Variants in LRRC69 observed in about 807,000 individuals in gnomAD.
LRRC69 encodes leucine-rich repeat-containing protein 69.
Under a neutral mutation model 37.8 loss-of-function variants are expected in LRRC69, and 42 were observed. The ratio of observed to expected loss-of-function variants is 1.11; its 90% CI spans 0.87 to 1.44. LRRC69 has a LOEUF of 1.44. LRRC69 is among the 40% of genes most tolerant of loss of function. The pLI is 0.00. For missense variants in LRRC69, 357 were observed against 401.9 expected (o/e 0.89, Z 0.96); for synonymous variants, 141 against 143.1 (o/e 0.99, Z 0.11).
intron 5 of LRRC69, among the ~76,000 whole-genome samples, chr8:91,156,085 A>C (rs1252103809): frequency 6.6e-6 from 1 of 150,870 alleles, no homozygotes; most frequent in Non-Finnish European, 1.5e-5. Context: ...GTGCTAGATC[A>C]TATGGTAGTT....
chr8:91,141,864 T>A (rs1808538513), intron 5 of LRRC69, among the ~76,000 whole-genome samples: 1 of 151,976 alleles, frequency 6.6e-6, no homozygotes, highest in Admixed American at 6.6e-5. Context: ...CCTTCATAAC[T>A]TTTGATGATG....
intron 5 of LRRC69, among the ~76,000 whole-genome samples, chr8:91,185,220 G>T (rs1159849701): frequency 6.6e-6 from 1 of 152,124 alleles, no homozygotes; most frequent in African/African-American, 2.4e-5. Context: ...GCCTGAAGAG[G>T]ACTCTCCCTT....
intron 1 of LRRC69, among the ~76,000 whole-genome samples, chr8:91,117,165 G>A (rs1029140555): frequency 1.3e-5 from 2 of 151,926 alleles, no homozygotes; most frequent in Non-Finnish European, 2.9e-5. Flanking sequence ...GATATACTGG[G>A]TAGAGAAATT....
intron 5 of LRRC69, among the ~76,000 whole-genome samples, chr8:91,155,409 T>C (rs1808816194): frequency 6.6e-6 from 1 of 150,936 alleles, no homozygotes; most frequent in Non-Finnish European, 1.5e-5. Context: ...ATATATACAA[T>C]GAGTAATGAT....
intron 1 of LRRC69, among the ~76,000 whole-genome samples, chr8:91,108,131 G>T (rs1813352164): frequency 6.6e-6 from 1 of 152,016 alleles, no homozygotes; most frequent in South Asian, 2.1e-4. Flanking sequence ...CCAGGACAAA[G>T]ATATGGTCTG....
intron 1 of LRRC69, among the ~76,000 whole-genome samples, chr8:91,123,525 A>G (rs879876021): frequency 6.6e-6 from 1 of 152,000 alleles, no homozygotes; most frequent in Non-Finnish European, 1.5e-5. Context: ...TCTTACATCC[A>G]TAACAAGTAC....
At chr8:91,179,446 C>T (rs1809287565) in intron 5 of LRRC69, among the ~76,000 whole-genome samples, 1 of 152,180 alleles carries the variant, frequency 6.6e-6, no homozygotes, top group South Asian at 2.1e-4. Context: ...TGAGAAACAT[C>T]TCCATGATCC....
intron 5 of LRRC69, among the ~76,000 whole-genome samples, chr8:91,152,740 T>C (rs866149217): frequency 6.6e-6 from 1 of 151,538 alleles, no homozygotes; most frequent in African/African-American, 2.4e-5. Context: ...TTTCACAATA[T>C]TGATTCTTCC....
chr8:91,119,899 G>A (rs1381806983), intron 1 of LRRC69, among the ~76,000 whole-genome samples: 1 of 151,794 alleles, frequency 6.6e-6, no homozygotes, highest in Admixed American at 6.6e-5. Flanking sequence ...GCACCCACTT[G>A]TACTTTGTAC....
At chr8:91,158,690 C>T in intron 5 of LRRC69, 1 of 1,187,466 alleles carries the variant, frequency 8.4e-7, no homozygotes, top group Non-Finnish European at 1.3e-6. Context: ...TGACTGACCA[C>T]ATTCATGCTG....
intron 5 of LRRC69, among the ~76,000 whole-genome samples, chr8:91,148,525 T>G (rs1465077072): frequency 6.6e-6 from 1 of 152,008 alleles, no homozygotes; most frequent in Non-Finnish European, 1.5e-5. Context: ...CTATCGTGAA[T>G]AGTGCCGCAA....
intron 6 of LRRC69, among the ~76,000 whole-genome samples, chr8:91,194,161 G>A (rs1481158157): frequency 7.2e-5 from 9 of 125,508 alleles, no homozygotes; most frequent in Admixed American, 1.7e-4. Flanking sequence ...ATTGATTTGC[G>A]TATATTGAAC....
intron 5 of LRRC69, among the ~76,000 whole-genome samples, chr8:91,149,925 C>T (rs1186631129): frequency 4.6e-5 from 7 of 151,996 alleles, no homozygotes; most frequent in Non-Finnish European, 8.8e-5. Context: ...GATGTTTGCA[C>T]ATTGATTTTG....
intron 5 of LRRC69, among the ~76,000 whole-genome samples, chr8:91,138,534 AT>A (rs1347629112): frequency 6.8e-6 from 1 of 147,118 alleles, no homozygotes; most frequent in Admixed American, 6.7e-5. Context: ...AGAAAATGCA[AT>A]TTTTTTCAGA....
chr8:91,214,355 T>C (rs939363143), intron 7 of LRRC69, among the ~76,000 whole-genome samples: 3 of 152,172 alleles, frequency 2.0e-5, no homozygotes, highest in African/African-American at 4.8e-5. Flanking sequence ...TAACCCTCAG[T>C]TGGAGACAGA....
chr8:91,177,853 T>TTC (rs1282597779), intron 5 of LRRC69, among the ~76,000 whole-genome samples: 1 of 148,814 alleles, frequency 6.7e-6, no homozygotes, highest in African/African-American at 2.5e-5. Context: ...TGCTTTTCTT[T>TTC]TTTTTTTTTT....
rs370854019 is a variant in LRRC69 at position 91,167,299 on chromosome 8, T to C, written c.652-22223T>C. ...AGGAACAAGTCATATTTTATATGGC[T>C]GCAGGGAAGGGAGAACTTGTGCAGG... On this transcript the variant is annotated intron_variant, in intron 5 of 7. Transcript: ENST00000448384. 2.0e-3 allele frequency among the ~76,000 whole-genome samples: 303 copies of C among 151,766 alleles called. 2 individuals are homozygous for C. The highest frequency in any genetic ancestry group is 3.8e-3 in the Non-Finnish European group (259 of 67,950).
At chr8:91,116,179 G>C (rs575093060) in intron 1 of LRRC69, among the ~76,000 whole-genome samples, 72 of 151,988 alleles carry the variant, frequency 4.7e-4, no homozygotes, top group Middle Eastern at 6.8e-3. Flanking sequence ...CTAGCACCAG[G>C]TATGGCTAAC....
intron 6 of LRRC69, among the ~76,000 whole-genome samples, chr8:91,197,128 G>A (rs1043631120): frequency 6.6e-6 from 1 of 152,098 alleles, no homozygotes; most frequent in African/African-American, 2.4e-5. Flanking sequence ...GCCCCTGCTG[G>A]GGGGTGCCTC....
Sources: allele counts gnomAD v4.1 joint callset (sites outside exome capture counted in the v4.1 genomes callset), GRCh38; gene constraint gnomAD v4.1.1; transcripts MANE v1.5; gene names NCBI Gene and HGNC (gene_info 2026-07-23, HGNC 2026-07-21).